ASGR2: variants seen among roughly 807,000 people sequenced by gnomAD.
The protein encoded by ASGR2 is asialoglycoprotein receptor 2.
A neutral mutation model predicts 32.3 loss-of-function variants in ASGR2; 34 were observed. That is an observed-to-expected ratio of 1.05 (90% CI 0.80 to 1.40). The LOEUF is 1.40. Among genes scored for constraint, ASGR2 ranks in the 40% most tolerant of loss-of-function variants. The pLI is 0.00. For synonymous variants in ASGR2, 143 were observed against 150.0 expected, an observed-to-expected ratio of 0.95 and a Z score of 0.34; for missense variants, 385 against 386.4, an observed-to-expected ratio of 1.00 and a Z score of 0.03.
In ASGR2 at chr17:7,101,549, A is replaced by G; in HGVS notation, c.*26T>C. On this transcript the variant is annotated 3_prime_UTR_variant, in exon 9 of 9. Coordinates refer to ENST00000691900, the MANE Select transcript of ASGR2 (RefSeq NM_001201352.2). Reference sequence around the variant, plus strand: ...AGCCAGAGCTGGGCAGGTGTGGGGTATGGGTTAGCCAGAGGTGTGCTGGGG... The same window carrying G: ...AGCCAGAGCTGGGCAGGTGTGGGGTGTGGGTTAGCCAGAGGTGTGCTGGGG... 2.5e-6 allele frequency: 4 copies of G among 1,608,172 alleles called. No individual in the cohort carries two copies. Among genetic ancestry groups the G allele is most frequent in the Non-Finnish European group, 3.4e-6 (4 of 1,175,904 alleles).
chr17:7,101,632 C>T lies in ASGR2; in HGVS notation c.864G>A (p.Leu288=). Residue 288 remains leucine (L), a synonymous_variant, in exon 9 of 9, where the codon CTG becomes CTA. Coordinates refer to ENST00000691900, the MANE Select transcript of ASGR2 (RefSeq NM_001201352.2). ...TCTCACACACCCAGCGGTACACCTG[C>T]AGGCAGAAGTCATCGTTCCAGCGGC... ...PDGRWNDDFC[L]QVYRWVCEKR... is the part of the protein sequence containing the mutation. The T allele has an allele frequency of 6.2e-7, 1 of 1,614,210 alleles. No individual in the cohort carries two copies. Among genetic ancestry groups the T allele is most frequent in the Non-Finnish European group, 8.5e-7 (1 of 1,180,040 alleles).
At position 7,105,831 on chromosome 17, in the gene ASGR2, C is replaced by T. The variant is rs144224183; in HGVS notation, c.648+1169G>A. 2.7e-3 allele frequency among the ~76,000 whole-genome samples: 412 copies of T among 151,176 alleles called. 5 individuals carry two copies. Among genetic ancestry groups the T allele is most frequent in the East Asian group, 0.022 (113 of 5,132 alleles). ...TGAGTCAGAGTCTCGCACTGTCACCCGGGCTGGAGTATAATGGCGCAGTCT... is the reference window on the plus strand; with the variant it reads ...TGAGTCAGAGTCTCGCACTGTCACCTGGGCTGGAGTATAATGGCGCAGTCT... On this transcript the variant is annotated intron_variant, in intron 7 of 8. Transcript: ENST00000691900.
intron 8 of ASGR2, 111 bp downstream of exon 8, chr17:7,101,979 A>G (rs1912888252): frequency 1.7e-6 from 2 of 1,181,464 alleles, no homozygotes; most frequent in Admixed American, 3.7e-5. Context: ...TGGGGAGGAG[A>G]GGATTGGGGA....
In ASGR2 at chr17:7,114,131, T is replaced by G; in HGVS notation, c.110A>C (p.Asn37Thr). Residue 37 changes from asparagine (N) to threonine (T), a missense_variant, in exon 2 of 9, where the codon AAT becomes ACT. Coordinates refer to ENST00000691900, the MANE Select transcript of ASGR2 (RefSeq NM_001201352.2). The surrounding 1 kb of genome is among the most constrained non-coding windows in gnomAD (Gnocchi z 4.5). ...TGCACACTTGCCTTTCAAAAATGGATTTCCTCTCCTGGGATTCAGCCTGCG... is the reference window on the plus strand; with the variant it reads ...TGCACACTTGCCTTTCAAAAATGGAGTTCCTCTCCTGGGATTCAGCCTGCG... ...GTRRLNPRRG[N>T]PFLKGPPPAQ... 1.2e-6 allele frequency: 2 copies of G among 1,614,194 alleles called. No homozygotes were observed. The highest frequency in any genetic ancestry group is 1.7e-6 in the Non-Finnish European group (2 of 1,180,026).
At chr17:7,101,848 GGGTGT>G in intron 8 of ASGR2, 108 bp from the exon 9 acceptor site, 1 of 1,425,810 alleles carries the variant, frequency 7.0e-7, no homozygotes, top group Non-Finnish European at 9.5e-7. Context: ...AGTGGAGCTG[GGGTGT>G]GCCCTGCTAC....
chr17:7,109,137 C>T (rs1914298778), intron 2 of ASGR2, among the ~76,000 whole-genome samples: 1 of 151,866 alleles, frequency 6.6e-6, no homozygotes, highest in African/African-American at 2.4e-5. Flanking sequence ...ATGCACACGA[C>T]TCAGGATATT....
rs139040138 is a variant in ASGR2, at chr17:7,113,334, ACACT to A, written c.124+779_124+782del. Among the ~76,000 whole-genome samples the A allele has an allele frequency of 0.17, 25,337 of 150,784 alleles. 2,534 individuals are homozygous for A. Among genetic ancestry groups the A allele is most frequent in the South Asian group, 0.31 (1,481 of 4,772 alleles). On this transcript the variant is annotated intron_variant, in intron 2 of 8. Coordinates refer to ENST00000691900, the MANE Select transcript of ASGR2 (RefSeq NM_001201352.2). This position sits in a 1 kb window ranked among gnomAD's most constrained non-coding sequence, Gnocchi z 5.1. The stretch of plus-strand genomic sequence containing the variant: ...CAATCACATACACACACTAACACAC[ACACT>A]CACGCAACACACTCACACACACAAC...
rs1039114332 is a variant in ASGR2, at chr17:7,114,088, G to A, written c.124+29C>T. ...GCAATCATGAGCTGAGACAGAGGGG[G>A]AGCAAAGCCGCAGAAACTGCACACT... is the stretch of plus-strand genomic sequence containing the variant. On this transcript the variant is annotated intron_variant, in intron 2 of 8. Coordinates refer to ENST00000691900, the MANE Select transcript of ASGR2 (RefSeq NM_001201352.2). The surrounding 1 kb of genome is among the most constrained non-coding windows in gnomAD (Gnocchi z 4.5). 2 of 1,613,356 alleles carry A rather than the reference G, an allele frequency of 1.2e-6. No individual in the cohort carries two copies. The highest frequency in any genetic ancestry group is 1.7e-5 in the Admixed American group (1 of 59,990).
chr17:7,105,853 G>C (rs1337071123), intron 7 of ASGR2, among the ~76,000 whole-genome samples: 1 of 150,126 alleles, frequency 6.7e-6, no homozygotes, highest in East Asian at 2.0e-4. Flanking sequence ...TAATGGCGCA[G>C]TCTCAGCTCA....
At position 7,114,361 on chromosome 17, in the gene ASGR2, A is replaced by G. The variant is rs1915204376; in HGVS notation, c.-70-51T>C. On this transcript the variant is annotated intron_variant, in intron 1 of 8. Coordinates refer to ENST00000691900, the MANE Select transcript of ASGR2 (RefSeq NM_001201352.2). This position sits in a 1 kb window ranked among gnomAD's most constrained non-coding sequence, Gnocchi z 4.5. ...GGAGGTTGATGGTGGGATGGAACGCAGGGTCGGAGGGGTTCGGGGTGGTGG... is the reference window on the plus strand; with the variant it reads ...GGAGGTTGATGGTGGGATGGAACGCGGGGTCGGAGGGGTTCGGGGTGGTGG... The G allele has an allele frequency of 1.7e-6, 1 of 572,240 alleles. No individual in the cohort carries two copies. 35.4% of individuals were successfully genotyped at this position (572,240 alleles called of 1,614,324 possible).
At chr17:7,102,944 A>G (rs1913071080) in intron 7 of ASGR2, among the ~76,000 whole-genome samples, 1 of 152,134 alleles carries the variant, frequency 6.6e-6, no homozygotes, top group Non-Finnish European at 1.5e-5. Flanking sequence ...GCCTGCAGAT[A>G]GCTCCCCGGG....
Position 7,113,557 on chromosome 17 carries a change from A to T in ASGR2, c.124+560T>A, listed in dbSNP as rs1204001215. Among the ~76,000 whole-genome samples, 10 of 150,560 alleles carry T rather than the reference A, an allele frequency of 6.6e-5. No homozygotes were observed. Among genetic ancestry groups the T allele is most frequent in the South Asian group, 2.1e-4 (1 of 4,752 alleles). Reference sequence around the variant, plus strand: ...ACACTCATACACAACATACATACACACAACATACACACAACATACACACAC... The same window carrying T: ...ACACTCATACACAACATACATACACTCAACATACACACAACATACACACAC... On this transcript the variant is annotated intron_variant, in intron 2 of 8. Transcript: ENST00000691900. The surrounding 1 kb of genome is among the most constrained non-coding windows in gnomAD (Gnocchi z 5.1).
intron 7 of ASGR2, among the ~76,000 whole-genome samples, chr17:7,102,782 G>A (rs552415581): frequency 6.6e-5 from 10 of 152,204 alleles, no homozygotes; most frequent in East Asian, 5.8e-4. Context: ...TGTCAGGCCC[G>A]GGAGCTTCTA....
rs1190066915 is a variant in ASGR2 at position 7,101,616 on chromosome 17, C to T, written c.880G>A (p.Val294Met). Residue 294 changes from valine to methionine, a missense_variant, in exon 9 of 9, where the codon GTG (valine) becomes ATG (methionine). Transcript: ENST00000691900. Reference sequence around the variant, plus strand: ...GTGGCATTCCGCCTTTTCTCACACACCCAGCGGTACACCTGCAGGCAGAAG... The same window carrying T: ...GTGGCATTCCGCCTTTTCTCACACATCCAGCGGTACACCTGCAGGCAGAAG... ...DDFCLQVYRW[V>M]CEKRRNATGE... 3 of 1,614,200 alleles carry T rather than the reference C, an allele frequency of 1.9e-6. No homozygotes were observed. The highest frequency in any genetic ancestry group is 2.5e-6 in the Non-Finnish European group (3 of 1,180,032).
chr17:7,103,798 T>C (rs749229358), intron 7 of ASGR2, among the ~76,000 whole-genome samples: 3 of 152,186 alleles, frequency 2.0e-5, no homozygotes, highest in Non-Finnish European at 2.9e-5. Context: ...ATTATTATTA[T>C]ACTTTAAGTT....
chr17:7,108,491 AG>A lies in ASGR2; in HGVS notation c.307del (p.Leu103Ter), dbSNP rs1277759997. 1.9e-6 allele frequency: 3 copies of A among 1,608,258 alleles called. No homozygotes were observed. In the African/African-American group the frequency reaches 4.0e-5, roughly 21 times the overall value. ...EAFSNFSSSTLTEVQAISTHG... is the reference protein window; with the variant it reads ...EAFSNFSSSTXTEVQAISTHG... Reference sequence around the variant, plus strand: ...GGTGCTGATTGCCTGGACCTCCGTCAGGGTGCTCGAGGAGAAGTTGCTGAAA... The same window carrying A: ...GGTGCTGATTGCCTGGACCTCCGTCAGGTGCTCGAGGAGAAGTTGCTGAAA... On this transcript the variant is annotated frameshift_variant, in exon 4 of 9. Transcript: ENST00000691900. LOFTEE classifies it high-confidence loss of function. This position sits in a 1 kb window ranked among gnomAD's most constrained non-coding sequence, Gnocchi z 4.9.
At position 7,114,664 on chromosome 17, in the gene ASGR2, C is replaced by T; in HGVS notation, c.-120G>A. The stretch of plus-strand genomic sequence containing the variant: ...ACCTGGCTCCCGCAGGCAACCCTGG[C>T]CTTGGCCAAGGAGGGGTTAAAGCCA... On this transcript the variant is annotated 5_prime_UTR_variant, in exon 1 of 9. Transcript: ENST00000691900. This position sits in a 1 kb window ranked among gnomAD's most constrained non-coding sequence, Gnocchi z 4.5. 9.8e-7 allele frequency: 1 copy of T among 1,025,522 alleles called. No homozygotes were observed. The allele number at this position is 1,025,522 out of a possible 1,614,324, so 63.5% of individuals were successfully genotyped here.
intron 2 of ASGR2, among the ~76,000 whole-genome samples, chr17:7,112,238 AG>A (rs75317052): frequency 0.57 from 85,652 of 151,072 alleles, 24,451 homozygotes; most frequent in Middle Eastern, 0.63. Flanking sequence ...TAAAAGAAAA[AG>A]GGGGTAGCAG....
At chr17:7,105,729 G>A (rs1425745187) in intron 7 of ASGR2, among the ~76,000 whole-genome samples, 3 of 151,848 alleles carry the variant, frequency 2.0e-5, no homozygotes, top group Non-Finnish European at 2.9e-5. Context: ...CTTAAGCTTA[G>A]CTGCCCTGTG....
Sources: allele counts gnomAD v4.1 joint callset (sites outside exome capture counted in the v4.1 genomes callset), GRCh38; gene constraint gnomAD v4.1.1; non-coding constraint Gnocchi (gnomAD v3.1); transcripts MANE v1.5; gene names NCBI Gene and HGNC (gene_info 2026-07-23, HGNC 2026-07-21).